LRMDA: variants seen among roughly 807,000 people sequenced by gnomAD.
LRMDA encodes leucine rich melanocyte differentiation associated.
Under a neutral mutation model 29.8 loss-of-function variants are expected in LRMDA, and 18 were observed. The ratio of observed to expected loss-of-function variants is 0.60; its 90% CI spans 0.42 to 0.90. LRMDA has a LOEUF of 0.90. LRMDA is among the 40% of genes least tolerant of loss of function. The pLI, the probability that LRMDA is intolerant of heterozygous loss-of-function variation, is 0.00. For missense variants in LRMDA, 273 were observed against 273.9 expected, an observed-to-expected ratio of 1.00 and a Z score of 0.02; for synonymous variants, 125 against 109.4, an observed-to-expected ratio of 1.14 and a Z score of -0.89.
At chr10:75,566,986 A>T (rs1281226865) in intron 2 of LRMDA, among the ~76,000 whole-genome samples, 1 of 152,158 alleles carries the variant, frequency 6.6e-6, no homozygotes, top group African/African-American at 2.4e-5. Context: ...CCTACCTATC[A>T]GTCACCAGAT....
At chr10:75,438,080 G>C (rs1214317616) in intron 1 of LRMDA, among the ~76,000 whole-genome samples, 1 of 152,222 alleles carries the variant, frequency 6.6e-6, no homozygotes, top group African/African-American at 2.4e-5. Context: ...GGCGATTGTT[G>C]CGGTTATATC....
At chr10:76,056,316 C>T (rs949839464) in intron 4 of LRMDA, among the ~76,000 whole-genome samples, 3 of 152,170 alleles carry the variant, frequency 2.0e-5, no homozygotes, top group Admixed American at 2.0e-4. Flanking sequence ...CAGCAGGGTC[C>T]AGAAAAAGTA....
intron 6 of LRMDA, among the ~76,000 whole-genome samples, chr10:76,338,400 T>TAAA (rs1589142558): frequency 1.6e-5 from 2 of 126,178 alleles, no homozygotes; most frequent in Admixed American, 1.7e-4. Context: ...AAATAAATAA[T>TAAA]AAATAAATGG....
At chr10:76,531,763 T>C (rs1843236511) in intron 6 of LRMDA, among the ~76,000 whole-genome samples, 1 of 152,188 alleles carries the variant, frequency 6.6e-6, no homozygotes, top group African/African-American at 2.4e-5. Context: ...TCTTGTAATG[T>C]ATTTGCCTGT....
At chr10:75,685,397 C>T (rs1842069249) in intron 2 of LRMDA, among the ~76,000 whole-genome samples, 1 of 152,228 alleles carries the variant, frequency 6.6e-6, no homozygotes, top group South Asian at 2.1e-4. Flanking sequence ...CAGTGGCATT[C>T]CAGGCCAGAG....
chr10:76,084,963 C>T (rs923612023), intron 5 of LRMDA, among the ~76,000 whole-genome samples: 4 of 152,158 alleles, frequency 2.6e-5, no homozygotes, highest in African/African-American at 9.7e-5. Context: ...AGGAACTCAG[C>T]ACAAGCTCTT....
chr10:76,017,798 TG>T (rs1011602807), intron 2 of LRMDA, among the ~76,000 whole-genome samples: 6 of 152,172 alleles, frequency 3.9e-5, no homozygotes, highest in Non-Finnish European at 7.4e-5. Context: ...TGGGCTGCTG[TG>T]GCTTCCAGGG....
chr10:76,103,587 T>C (rs73283378), intron 5 of LRMDA, among the ~76,000 whole-genome samples: 1,748 of 152,324 alleles, frequency 0.011, 45 homozygotes, highest in African/African-American at 0.039. Flanking sequence ...TTTTCACCCC[T>C]TTTAGTTGTG....
At chr10:75,704,304 C>A (rs1226360397) in intron 2 of LRMDA, among the ~76,000 whole-genome samples, 1 of 152,126 alleles carries the variant, frequency 6.6e-6, no homozygotes, top group African/African-American at 2.4e-5. Flanking sequence ...TATGTATTAG[C>A]AGAATTGTCA....
chr10:76,486,172 G>A (rs889013452), intron 6 of LRMDA, among the ~76,000 whole-genome samples: 2 of 151,906 alleles, frequency 1.3e-5, no homozygotes, highest in Non-Finnish European at 2.9e-5. Context: ...TAAGTTTCTT[G>A]TTAATATCCT....
intron 2 of LRMDA, among the ~76,000 whole-genome samples, chr10:75,961,916 T>A (rs1259845747): frequency 1.3e-5 from 2 of 152,134 alleles, no homozygotes; most frequent in Non-Finnish European, 2.9e-5. Flanking sequence ...CTTCTGGTGG[T>A]GGCTGGCAAT....
intron 5 of LRMDA, among the ~76,000 whole-genome samples, chr10:76,315,220 A>G (rs1263981407): frequency 6.6e-6 from 1 of 152,244 alleles, no homozygotes; most frequent in Non-Finnish European, 1.5e-5. Context: ...GCCTGTCTGG[A>G]GCAGCCGCTT....
chr10:75,860,430 T>TCCTG (rs1342969495), intron 2 of LRMDA, among the ~76,000 whole-genome samples: 5 of 148,532 alleles, frequency 3.4e-5, no homozygotes, highest in Admixed American at 6.8e-5. Flanking sequence ...CAAGTGATTC[T>TCCTG]CCTGCCTCAG....
At chr10:76,135,320 A>G (rs1464972341) in intron 5 of LRMDA, among the ~76,000 whole-genome samples, 3 of 152,218 alleles carry the variant, frequency 2.0e-5, no homozygotes, top group Non-Finnish European at 1.5e-5. Context: ...AAATGGAGGC[A>G]TGTGGTCCCT....
At chr10:75,554,058 GTTCTATCTGTTCTTGGAGGGAC>G (rs1197623899) in intron 2 of LRMDA, among the ~76,000 whole-genome samples, 1 of 152,120 alleles carries the variant, frequency 6.6e-6, no homozygotes, top group Non-Finnish European at 1.5e-5. Context: ...TGCTTTGTGT[GTTCTATCTGTTCTTGGAGGGAC>G]TAGTCACACT....
At chr10:75,944,145 G>A (rs893414107) in intron 2 of LRMDA, among the ~76,000 whole-genome samples, 4 of 151,992 alleles carry the variant, frequency 2.6e-5, no homozygotes, top group Non-Finnish European at 4.4e-5. Context: ...TTGTCTTTAT[G>A]TTGCCTTCAT....
intron 2 of LRMDA, among the ~76,000 whole-genome samples, chr10:75,441,777 TC>T (rs1367133774): frequency 1.3e-5 from 2 of 152,116 alleles, no homozygotes; most frequent in Non-Finnish European, 1.5e-5. Flanking sequence ...TTTTTTTTTT[TC>T]CTCCAAAGAG....
At chr10:76,094,660 G>T (rs1308766680) in intron 5 of LRMDA, among the ~76,000 whole-genome samples, 2 of 152,104 alleles carry the variant, frequency 1.3e-5, no homozygotes, top group African/African-American at 4.8e-5. Flanking sequence ...ATAAGTACAG[G>T]AATTACGAGT....
At chr10:75,629,625 T>A (rs530745694) in intron 2 of LRMDA, among the ~76,000 whole-genome samples, 8 of 149,858 alleles carry the variant, frequency 5.3e-5, no homozygotes, top group East Asian at 2.0e-4. Context: ...CTTTTTTTTT[T>A]ACTAGCAAAG....
Sources: gnomAD v4.1 joint callset for allele counts (sites outside exome capture counted in the v4.1 genomes callset) on GRCh38, gnomAD v4.1.1 for gene constraint, MANE v1.5 for transcripts, NCBI Gene and HGNC (gene_info 2026-07-23, HGNC 2026-07-21) for gene names.